MTURN: variants seen among roughly 807,000 people sequenced by gnomAD.
MTURN encodes the protein maturin.
In MTURN, 7 loss-of-function variants were observed where a neutral mutation model predicts 14.9. The observed-to-expected ratio is 0.47, with a 90% CI of 0.27 to 0.88. The LOEUF (loss-of-function observed/expected upper bound fraction) is 0.88, where lower values mean the gene tolerates loss of function less well. Ranked by LOEUF, MTURN falls within the 40% of genes least tolerant of loss-of-function variation. The pLI is 0.14. For synonymous variants in MTURN, 69 were observed against 72.5 expected, an observed-to-expected ratio of 0.95 and a Z score of 0.25; for missense variants, 151 against 174.1, an observed-to-expected ratio of 0.87 and a Z score of 0.75.
At chr7:30,137,087 T>C (rs1370005038) in intron 1 of MTURN, among the ~76,000 whole-genome samples, 3 of 151,276 alleles carry the variant, frequency 2.0e-5, no homozygotes, top group African/African-American at 7.4e-5. Flanking sequence ...GGGAGATCAT[T>C]AAAAAGGGAT....
At chr7:30,140,208 G>A (rs1352752902) in intron 1 of MTURN, among the ~76,000 whole-genome samples, 2 of 152,128 alleles carry the variant, frequency 1.3e-5, no homozygotes, top group East Asian at 1.9e-4. Flanking sequence ...GTGGGAGAGA[G>A]GGAGGGATTC....
chr7:30,147,580 G>C (rs1014026399), intron 2 of MTURN, among the ~76,000 whole-genome samples: 4 of 152,172 alleles, frequency 2.6e-5, no homozygotes, highest in African/African-American at 9.7e-5. Flanking sequence ...TCTAGCTGCT[G>C]CTTCCAGGTC....
In MTURN at chr7:30,135,154, G is replaced by A. The variant is rs1436631843; in HGVS notation, c.18G>A (p.Leu6=). Residue 6 remains leucine (L), a synonymous_variant, in exon 1 of 3, where the codon CTG becomes CTA. Coordinates refer to ENST00000324453, the MANE Select transcript of MTURN (RefSeq NM_152793.3). ...GGGCCGCGATGGATTTCCAGCAGCT[G>A]GCCGACGTTGCGGAGAAATGGTGCT... MDFQQ[L]ADVAEKWCSN... The A allele has an allele frequency of 6.8e-6, 10 of 1,465,202 alleles. No individual in the cohort carries two copies. In the African/African-American group the frequency reaches 1.3e-4, roughly 19 times the overall value. The allele number at this position is 1,465,202 out of a possible 1,614,324, so 90.8% of individuals were successfully genotyped here. A position where few individuals can be genotyped will look rare whatever the true frequency, so the allele number is the denominator to read the frequency against.
At chr7:30,144,572 G>A (rs762436776) in intron 1 of MTURN, among the ~76,000 whole-genome samples, 13 of 152,172 alleles carry the variant, frequency 8.5e-5, no homozygotes, top group African/African-American at 3.1e-4. Flanking sequence ...GAGCCCAGAC[G>A]TTGTCTTTAT....
At chr7:30,151,931 G>C (rs1201495045) in intron 2 of MTURN, among the ~76,000 whole-genome samples, 2 of 152,184 alleles carry the variant, frequency 1.3e-5, no homozygotes, top group Non-Finnish European at 2.9e-5. Flanking sequence ...AGTGGCTGGA[G>C]AGCTGCGGCT....
intron 1 of MTURN, among the ~76,000 whole-genome samples, chr7:30,136,751 G>A (rs1796969934): frequency 6.6e-6 from 1 of 152,162 alleles, no homozygotes; most frequent in Admixed American, 6.5e-5. Context: ...CTGGCTCTGT[G>A]ACTGTGCTCA....
In MTURN at chr7:30,157,716, G is replaced by T. The variant is rs1399515935; in HGVS notation, c.*168G>T. ...TTAACGACCACAAAATATCTGTGAT[G>T]AGCTTTGCTCAGAAGTGACCTGAAT... On this transcript the variant is annotated 3_prime_UTR_variant, in exon 3 of 3. Coordinates refer to ENST00000324453, the MANE Select transcript of MTURN (RefSeq NM_152793.3). 7 of 418,510 alleles carry T rather than the reference G, an allele frequency of 1.7e-5. No individual in the cohort carries two copies. Among genetic ancestry groups the T allele is most frequent in the Non-Finnish European group, 3.0e-5 (7 of 236,072 alleles). The allele number at this position is 418,510 out of a possible 1,614,324, so 25.9% of individuals were successfully genotyped here.
intron 2 of MTURN, among the ~76,000 whole-genome samples, chr7:30,150,740 C>A (rs915712354): frequency 1.3e-5 from 2 of 152,164 alleles, no homozygotes; most frequent in African/African-American, 2.4e-5. Context: ...AGAGCAGGGG[C>A]AGGGCTGGCC....
intron 1 of MTURN, 78 bp downstream of exon 1, chr7:30,135,376 C>CGCGGCGGGCG: frequency 1.5e-6 from 2 of 1,334,902 alleles, no homozygotes; most frequent in Admixed American, 7.5e-5. Flanking sequence ...CGAGCTCCCG[C>CGCGGCGGGCG]GCGGTGGGCG....
rs748199142 is a variant in MTURN, at chr7:30,146,241, C to T, written c.227C>T (p.Ser76Phe). The change falls in exon 2 of 3, where the codon TCC becomes TTC. Residue 76 changes from serine (S) to phenylalanine (F), a missense_variant. Ser to Phe is a radical substitution (Grantham distance 155). Coordinates refer to ENST00000324453, the MANE Select transcript of MTURN (RefSeq NM_152793.3). Reference protein sequence around the residue: ...FLQLAQDYISSCGKKTLHEVL... With the variant: ...FLQLAQDYISFCGKKTLHEVL... ...CAGCTAGCACAGGATTACATCTCCT[C>T]CTGCGGCAAGAAGACGCTCCACGAA... 6.2e-7 allele frequency: 1 copy of T among 1,614,118 alleles called. No homozygotes were observed. Among genetic ancestry groups the T allele is most frequent in the South Asian group, 1.1e-5 (1 of 91,082 alleles).
At chr7:30,151,893 G>A (rs1345905035) in intron 2 of MTURN, among the ~76,000 whole-genome samples, 3 of 152,198 alleles carry the variant, frequency 2.0e-5, no homozygotes, top group Non-Finnish European at 4.4e-5. Context: ...ACTGGCATAA[G>A]CAAGATTGAT....
intron 2 of MTURN, among the ~76,000 whole-genome samples, chr7:30,146,896 T>C (rs1457123525): frequency 6.6e-6 from 1 of 152,226 alleles, no homozygotes; most frequent in Non-Finnish European, 1.5e-5. Flanking sequence ...TTAAAATGAA[T>C]GCTCACTTCT....
intron 2 of MTURN, among the ~76,000 whole-genome samples, chr7:30,156,002 C>T (rs921312908): frequency 2.0e-5 from 3 of 152,098 alleles, no homozygotes; most frequent in Non-Finnish European, 4.4e-5. Context: ...AAATTGATGG[C>T]CCTGGACACC....
chr7:30,134,997 C>G lies in MTURN; in HGVS notation c.-140C>G. ...CCGCCGCCCGCCCCACTCCGCACCGCATGTAAACAGTCCCAGCCGGCCCAG... is the reference window on the plus strand; with the variant it reads ...CCGCCGCCCGCCCCACTCCGCACCGGATGTAAACAGTCCCAGCCGGCCCAG... On this transcript the variant is annotated 5_prime_UTR_variant, in exon 1 of 3. Transcript: ENST00000324453. 1.6e-6 allele frequency: 1 copy of G among 644,162 alleles called. No homozygotes were observed. The highest frequency in any genetic ancestry group is 2.0e-6 in the Non-Finnish European group (1 of 510,804). The allele number at this position is 644,162 out of a possible 1,614,324, so 39.9% of individuals were successfully genotyped here. A position where few individuals can be genotyped will look rare whatever the true frequency, so the allele number is the denominator to read the frequency against.
chr7:30,153,933 G>A (rs1274481384), intron 2 of MTURN, among the ~76,000 whole-genome samples: 1 of 152,092 alleles, frequency 6.6e-6, no homozygotes. Flanking sequence ...GGCTAGGCTG[G>A]TCTCAAACTC....
intron 1 of MTURN, among the ~76,000 whole-genome samples, chr7:30,138,190 A>C (rs1796995465): frequency 6.6e-6 from 1 of 151,872 alleles, no homozygotes; most frequent in Admixed American, 6.6e-5. Flanking sequence ...ATCTTGGCTC[A>C]CTGCACCCTC....
chr7:30,157,531 G>C lies in MTURN; in HGVS notation c.379G>C (p.Gly127Arg). 6.2e-7 allele frequency: 1 copy of C among 1,601,648 alleles called. No homozygotes were observed. The highest frequency in any genetic ancestry group is 8.5e-7 in the Non-Finnish European group (1 of 1,174,722). Residue 127 changes from glycine (G) to arginine (R), a missense_variant, in exon 3 of 3, where the codon GGG (glycine) becomes CGG (arginine). Physicochemically the swap from Gly to Arg is moderately radical, Grantham distance 125 (BLOSUM62 -2). Transcript: ENST00000324453. ...GCCAGAGGCGGACCACCCCCAGATG[G>C]GGGTCAGCCAGCAGTAAATCTGGGG... ...EEPEADHPQM[G>R]VSQQ
intron 1 of MTURN, among the ~76,000 whole-genome samples, chr7:30,138,875 G>A (rs1797006833): frequency 6.6e-6 from 1 of 152,142 alleles, no homozygotes; most frequent in Non-Finnish European, 1.5e-5. Context: ...CTTGGCACTT[G>A]CGTTCTGTCT....
intron 2 of MTURN, among the ~76,000 whole-genome samples, chr7:30,150,590 A>G (rs760716919): frequency 5.3e-5 from 8 of 152,218 alleles, no homozygotes; most frequent in Non-Finnish European, 1.0e-4. Context: ...ATCAGAAAAT[A>G]TATTTTTTAA....
Sources: gnomAD v4.1 joint callset for allele counts (sites outside exome capture counted in the v4.1 genomes callset) on GRCh38, gnomAD v4.1.1 for gene constraint, MANE v1.5 for transcripts, NCBI Gene and HGNC (gene_info 2026-07-23, HGNC 2026-07-21) for gene names.